The following TEKT5 variants were observed in gnomAD, a reference collection of about 807,000 sequenced individuals.
The protein encoded by TEKT5 is tektin 5, also known as tektin-5.
Under a neutral mutation model 48.7 loss-of-function variants are expected in TEKT5, and 52 were observed. The ratio of observed to expected loss-of-function variants is 1.07; its 90% CI spans 0.86 to 1.35. The LOEUF is 1.35. Ranked by LOEUF, TEKT5 falls within the 40% of genes most tolerant of loss-of-function variation. The pLI, the probability that TEKT5 is intolerant of heterozygous loss-of-function variation, is 0.00. For synonymous variants in TEKT5, 318 were observed against 267.6 expected (o/e 1.19, Z -1.84); for missense variants, 831 against 641.6 (o/e 1.30, Z -3.19).
At chr16:10,650,207 C>T (rs571048563) in intron 5 of TEKT5, among the ~76,000 whole-genome samples, 130 of 151,858 alleles carry the variant, frequency 8.6e-4, no homozygotes, top group African/African-American at 3.0e-3. Flanking sequence ...CAGGTGTGTG[C>T]GACAAGTAGC....
chr16:10,648,917 T>C (rs28835618), intron 5 of TEKT5, among the ~76,000 whole-genome samples: 2,173 of 152,330 alleles, frequency 0.014, 58 homozygotes, highest in African/African-American at 0.047. Context: ...TTTGCATTTA[T>C]TGAAGAGACC....
rs1169370056 is a variant in TEKT5 at position 10,677,608 on chromosome 16, C to T, written c.864-1427G>A. Among the ~76,000 whole-genome samples, 2 of 146,502 alleles carry T rather than the reference C, an allele frequency of 1.4e-5. 1 individual carries two copies. The highest frequency in any genetic ancestry group is 5.4e-5 in the African/African-American group (2 of 36,990). Reference sequence around the variant, plus strand: ...TGGGCAACAGAGTAAGACCCTGTCCCCCCCAACAAAAAAATAAAAAGAAAA... The same window carrying T: ...TGGGCAACAGAGTAAGACCCTGTCCTCCCCAACAAAAAAATAAAAAGAAAA... On this transcript the variant is annotated intron_variant, in intron 4 of 6. Transcript: ENST00000283025.
chr16:10,655,391 C>G (rs1170430672), intron 5 of TEKT5, among the ~76,000 whole-genome samples: 1 of 152,140 alleles, frequency 6.6e-6, no homozygotes, highest in African/African-American at 2.4e-5. Context: ...GTAAAAATTA[C>G]CTGATCTGTC....
intron 5 of TEKT5, among the ~76,000 whole-genome samples, chr16:10,645,694 T>G (rs1362584401): frequency 6.6e-6 from 1 of 152,032 alleles, no homozygotes; most frequent in Non-Finnish European, 1.5e-5. Context: ...TTCCAGCTAC[T>G]GGGAGGCTGA....
intron 5 of TEKT5, among the ~76,000 whole-genome samples, chr16:10,660,290 T>C (rs1392608897): frequency 2.0e-5 from 3 of 152,332 alleles, no homozygotes; most frequent in East Asian, 3.9e-4. Flanking sequence ...AAAAAGAGCC[T>C]GCCCAAGGCA....
In TEKT5 at chr16:10,694,766, A is replaced by G. The variant is rs780668363; in HGVS notation, c.108T>C (p.Tyr36=). Residue 36 remains tyrosine, a synonymous_variant, in exon 1 of 7, where the codon TAT becomes TAC. Coordinates refer to ENST00000283025, the MANE Select transcript of TEKT5 (RefSeq NM_144674.2). Reference sequence around the variant, plus strand: ...GGTACCCGGGCAGGTAGTAGGGCTGATAGCATTCCTGGATCACTGGCGCCT... The same window carrying G: ...GGTACCCGGGCAGGTAGTAGGGCTGGTAGCATTCCTGGATCACTGGCGCCT... ...AVQAPVIQEC[Y]QPYYLPGYRY... is the part of the protein sequence containing the mutation. 6.2e-7 allele frequency: 1 copy of G among 1,614,048 alleles called. No homozygotes were observed. The highest frequency in any genetic ancestry group is 1.1e-5 in the South Asian group (1 of 91,082).
In TEKT5 at chr16:10,683,588, TTTAA is replaced by T. The variant is rs777722417; in HGVS notation, c.720-1456_720-1453del. ...TTTTTCCTTTTTAAAATCACTTTTA[TTTAA>T]TTAATTAATTTTTTTGAGATGGAGT... On this transcript the variant is annotated intron_variant, in intron 3 of 6. Transcript: ENST00000283025. 1.1e-3 allele frequency among the ~76,000 whole-genome samples: 167 copies of T among 152,364 alleles called. 2 individuals carry two copies. The highest frequency in any genetic ancestry group is 1.8e-3 in the Non-Finnish European group (120 of 68,034).
intron 4 of TEKT5, among the ~76,000 whole-genome samples, chr16:10,677,704 C>T (rs1157900513): frequency 3.1e-5 from 3 of 97,572 alleles, no homozygotes; most frequent in African/African-American, 2.1e-4. Context: ...ATAAAAGCCC[C>T]AGAAAAGGAG....
At chr16:10,654,544 T>C (rs562957164) in intron 5 of TEKT5, among the ~76,000 whole-genome samples, 121 of 152,328 alleles carry the variant, frequency 7.9e-4, no homozygotes, top group Non-Finnish European at 1.2e-3. Context: ...CCCAACCCAC[T>C]GAGGGTCCGA....
At position 10,635,919 on chromosome 16, in the gene TEKT5, C is replaced by G; in HGVS notation, c.1087-1G>C. 1 of 1,613,482 alleles carries G rather than the reference C, an allele frequency of 6.2e-7. No homozygotes were observed. Among genetic ancestry groups the G allele is most frequent in the Non-Finnish European group, 8.5e-7 (1 of 1,179,970 alleles). On this transcript the variant is annotated splice_acceptor_variant, in intron 5 of 6. Transcript: ENST00000283025. LOFTEE classifies it high-confidence loss of function. ...CGGCCTGGAAGATCTCCTGCAGCGT[C>G]TGCGAGGGAACACACAGGTGTCACC...
At chr16:10,658,310 GCAAGAATGTT>G (rs781273382) in intron 5 of TEKT5, among the ~76,000 whole-genome samples, 4 of 152,180 alleles carry the variant, frequency 2.6e-5, no homozygotes, top group Non-Finnish European at 4.4e-5. Flanking sequence ...AAAGATTTGT[GCAAGAATGTT>G]CAAGAATGTT....
chr16:10,642,120 G>A (rs1219094767), intron 5 of TEKT5, among the ~76,000 whole-genome samples: 2 of 152,226 alleles, frequency 1.3e-5, no homozygotes, highest in Admixed American at 6.5e-5. Flanking sequence ...TGCAGTATGA[G>A]TACATGACAC....
At chr16:10,633,715 G>A (rs1897872053) in intron 6 of TEKT5, among the ~76,000 whole-genome samples, 1 of 152,066 alleles carries the variant, frequency 6.6e-6, no homozygotes, top group South Asian at 2.1e-4. Flanking sequence ...GCTAAGTTTT[G>A]TATTTTATTT....
intron 1 of TEKT5, 112 bp from the exon 2 acceptor site, chr16:10,690,137 G>T (rs1267434237): frequency 1.7e-6 from 2 of 1,162,312 alleles, no homozygotes; most frequent in East Asian, 2.4e-5. Flanking sequence ...CCGGAAACCT[G>T]GGTGCTTCAT....
At chr16:10,688,866 C>T (rs1431083346) in intron 3 of TEKT5, among the ~76,000 whole-genome samples, 3 of 152,208 alleles carry the variant, frequency 2.0e-5, no homozygotes, top group Non-Finnish European at 1.5e-5. Context: ...TCTGTCATCT[C>T]CCAAGGTTCA....
chr16:10,659,786 G>A (rs1230051316), intron 5 of TEKT5, among the ~76,000 whole-genome samples: 1 of 152,226 alleles, frequency 6.6e-6, no homozygotes, highest in Non-Finnish European at 1.5e-5. Flanking sequence ...ATAGCTTAAA[G>A]GTGAAAGGTG....
At chr16:10,680,937 G>A (rs1310812701) in intron 4 of TEKT5, among the ~76,000 whole-genome samples, 3 of 150,010 alleles carry the variant, frequency 2.0e-5, no homozygotes, top group Non-Finnish European at 4.4e-5. Context: ...TGCAGCGCAC[G>A]AGCATGGCAC....
At chr16:10,679,749 T>A (rs1053646230) in intron 4 of TEKT5, among the ~76,000 whole-genome samples, 1 of 151,866 alleles carries the variant, frequency 6.6e-6, no homozygotes, top group African/African-American at 2.4e-5. Flanking sequence ...ACAAAAAATT[T>A]AGCTGGGCGT....
chr16:10,645,665 T>C (rs1434855291), intron 5 of TEKT5, among the ~76,000 whole-genome samples: 2 of 152,018 alleles, frequency 1.3e-5, no homozygotes, highest in Non-Finnish European at 2.9e-5. Context: ...TGGCCAGACA[T>C]GGTGGCAAGC....
Sources: allele counts gnomAD v4.1 joint callset (sites outside exome capture counted in the v4.1 genomes callset), GRCh38; gene constraint gnomAD v4.1.1; transcripts MANE v1.5; gene names NCBI Gene and HGNC (gene_info 2026-07-23, HGNC 2026-07-21).